Variants in DACH1 observed in about 807,000 individuals in gnomAD.
DACH1 encodes dachshund homolog 1.
A neutral mutation model predicts 54.2 loss-of-function variants in DACH1; 12 were observed. The observed-to-expected ratio is 0.22, with a 90% CI of 0.14 to 0.36. DACH1 has a LOEUF of 0.36. Ranked by LOEUF, DACH1 falls within the 10% of genes least tolerant of loss-of-function variation. DACH1 has a pLI of 1.00. For missense variants in DACH1, 805 were observed against 929.8 expected, an observed-to-expected ratio of 0.87 and a Z score of 1.75; for synonymous variants, 386 against 366.2, an observed-to-expected ratio of 1.05 and a Z score of -0.62.
At chr13:71,718,689 C>T (rs931629650) in intron 1 of DACH1, among the ~76,000 whole-genome samples, 3 of 151,992 alleles carry the variant, frequency 2.0e-5, no homozygotes, top group Non-Finnish European at 4.4e-5. Flanking sequence ...TTGACACTGG[C>T]ATTTGTTACA....
In DACH1 at chr13:71,706,349, T is replaced by C. The variant is rs1437951104; in HGVS notation, c.849-24439A>G. Among the ~76,000 whole-genome samples the C allele has an allele frequency of 3.3e-5, 5 of 152,126 alleles. No individual in the cohort carries two copies. The East Asian group carries it at 9.6e-4, about 29-fold the overall frequency. On this transcript the variant is annotated intron_variant, in intron 1 of 10. Coordinates refer to ENST00000613252, the MANE Select transcript of DACH1 (RefSeq NM_080759.6). ...ATTGAAATCTATTGGGTAGCATATT[T>C]ATATTTTTTACAGTGAGATGTATTT...
At chr13:71,820,704 C>T (rs1047203598) in intron 1 of DACH1, among the ~76,000 whole-genome samples, 1 of 152,110 alleles carries the variant, frequency 6.6e-6, no homozygotes, top group Non-Finnish European at 1.5e-5. Flanking sequence ...AATCCACATT[C>T]ATGTAGAAAG....
intron 2 of DACH1, among the ~76,000 whole-genome samples, chr13:71,642,719 G>A (rs1877998076): frequency 6.6e-6 from 1 of 151,930 alleles, no homozygotes; most frequent in Non-Finnish European, 1.5e-5. Flanking sequence ...CCATGGATTG[G>A]TTTAAAAATT....
chr13:71,621,314 A>T (rs1293460925), intron 3 of DACH1, among the ~76,000 whole-genome samples: 6 of 152,072 alleles, frequency 3.9e-5, no homozygotes. Context: ...AGAACCAAAA[A>T]GGGAAAAAGT....
intron 6 of DACH1, among the ~76,000 whole-genome samples, chr13:71,502,344 G>GA (rs1332752436): frequency 3.3e-5 from 5 of 152,100 alleles, no homozygotes; most frequent in African/African-American, 1.2e-4. Flanking sequence ...GATGAGACTA[G>GA]AAAATTCTAA....
intron 1 of DACH1, among the ~76,000 whole-genome samples, chr13:71,700,732 A>G (rs970695110): frequency 6.6e-5 from 10 of 152,320 alleles, no homozygotes; most frequent in Admixed American, 6.5e-4. Context: ...ATACTGTAAT[A>G]TGGCAAGAAA....
In DACH1 at chr13:71,572,887, C is replaced by T. The variant is rs1434115669; in HGVS notation, c.1252G>A (p.Ala418Thr). The change falls in exon 4 of 11, where the codon GCA becomes ACA. Residue 418 changes from alanine (A) to threonine (T), a missense_variant. This residue lies in a region of DACH1 where 472 missense variants were observed against 545.3 expected (regional missense o/e 0.87). Transcript: ENST00000613252. Reference sequence around the variant, plus strand: ...CTGGATGGGGGACTCTGAACTTGTGCTGCTGCTGCCATATTTGCAATGGTG... The same window carrying T: ...CTGGATGGGGGACTCTGAACTTGTGTTGCTGCTGCCATATTTGCAATGGTG... ...LSTIANMAAA[A>T]QVQSPPSRVE... 6.2e-7 allele frequency: 1 copy of T among 1,613,886 alleles called. No individual in the cohort carries two copies. Among genetic ancestry groups the T allele is most frequent in the Non-Finnish European group, 8.5e-7 (1 of 1,179,864 alleles).
intron 1 of DACH1, among the ~76,000 whole-genome samples, chr13:71,783,111 T>C (rs1023376582): frequency 2.7e-4 from 41 of 152,252 alleles, no homozygotes; most frequent in Admixed American, 2.7e-3. Context: ...CACACAGACG[T>C]ACACACGTTC....
chr13:71,742,383 G>A (rs563180901), intron 1 of DACH1, among the ~76,000 whole-genome samples: 1 of 152,164 alleles, frequency 6.6e-6, no homozygotes, highest in African/African-American at 2.4e-5. Flanking sequence ...AATATCAATG[G>A]TCGTTACCAG....
intron 1 of DACH1, among the ~76,000 whole-genome samples, chr13:71,756,485 G>A (rs968954646): frequency 6.6e-6 from 1 of 151,396 alleles, no homozygotes; most frequent in Non-Finnish European, 1.5e-5. Flanking sequence ...AATATTGAAA[G>A]GACTTATATT....
At chr13:71,688,602 A>G (rs1033200796) in intron 1 of DACH1, among the ~76,000 whole-genome samples, 9 of 152,156 alleles carry the variant, frequency 5.9e-5, no homozygotes, top group Non-Finnish European at 1.0e-4. Flanking sequence ...CAAACAGACT[A>G]TGAACTAATG....
intron 8 of DACH1, among the ~76,000 whole-genome samples, chr13:71,477,278 G>C (rs1408602602): frequency 1.3e-5 from 2 of 150,466 alleles, no homozygotes; most frequent in Non-Finnish European, 3.0e-5. Flanking sequence ...CTGCCACCAC[G>C]CCCGGCTAAT....
In DACH1 at chr13:71,484,335, T is replaced by C. The variant is rs892076871; in HGVS notation, c.1722+4662A>G. On this transcript the variant is annotated intron_variant, in intron 7 of 10. Transcript: ENST00000613252. ...GGCATGCCCCATCATGCCCAGCTAATTTTTGTATTTTTGTAGAGGCAGGGT... is the reference window on the plus strand; with the variant it reads ...GGCATGCCCCATCATGCCCAGCTAACTTTTGTATTTTTGTAGAGGCAGGGT... Among the ~76,000 whole-genome samples the C allele has an allele frequency of 2.0e-5, 3 of 152,114 alleles. No individual in the cohort carries two copies. The East Asian group carries it at 5.8e-4, about 29-fold the overall frequency.
At chr13:71,738,269 G>A (rs1884225667) in intron 1 of DACH1, among the ~76,000 whole-genome samples, 1 of 152,088 alleles carries the variant, frequency 6.6e-6, no homozygotes, top group Non-Finnish European at 1.5e-5. Context: ...GTAAAACAAG[G>A]TGTACTTGGG....
chr13:71,507,153 C>G (rs1445500796), intron 6 of DACH1, among the ~76,000 whole-genome samples: 10 of 152,152 alleles, frequency 6.6e-5, no homozygotes, highest in Non-Finnish European at 1.3e-4. Flanking sequence ...TTGCAACCTA[C>G]TCATCTTAAG....
At chr13:71,861,106 G>T (rs1874319662) in intron 1 of DACH1, among the ~76,000 whole-genome samples, 1 of 151,800 alleles carries the variant, frequency 6.6e-6, no homozygotes, top group African/African-American at 2.4e-5. Flanking sequence ...TAGTTGACAT[G>T]AAACTGGAGT....
chr13:71,616,115 T>G (rs538362628), intron 3 of DACH1, among the ~76,000 whole-genome samples: 2 of 152,192 alleles, frequency 1.3e-5, no homozygotes, highest in South Asian at 4.1e-4. Context: ...GGCACCAGAT[T>G]TTGTATTTTT....
At chr13:71,845,120 C>T (rs1228091717) in intron 1 of DACH1, among the ~76,000 whole-genome samples, 1 of 151,982 alleles carries the variant, frequency 6.6e-6, no homozygotes, top group African/African-American at 2.4e-5. Flanking sequence ...ATTTAGTGTT[C>T]CCAACACCAA....
chr13:71,777,444 C>G (rs1261800695), intron 1 of DACH1, among the ~76,000 whole-genome samples: 1 of 151,996 alleles, frequency 6.6e-6, no homozygotes, highest in Non-Finnish European at 1.5e-5. Context: ...TATGGTACAT[C>G]GTTGATGCTA....
Sources: gnomAD v4.1 joint callset for allele counts (sites outside exome capture counted in the v4.1 genomes callset) on GRCh38, gnomAD v4.1.1 for gene constraint, gnomAD v4.1.1 regional missense constraint, MANE v1.5 for transcripts, NCBI Gene and HGNC (gene_info 2026-07-23, HGNC 2026-07-21) for gene names.